The following MIER1 variants were observed in gnomAD, a reference collection of about 807,000 sequenced individuals.
MIER1 encodes MIER1 transcriptional regulator.
Under a neutral mutation model 75.7 loss-of-function variants are expected in MIER1, and 40 were observed. The ratio of observed to expected loss-of-function variants is 0.53; its 90% CI spans 0.41 to 0.69. The LOEUF is 0.69. Among genes scored for constraint, MIER1 ranks in the 30% least tolerant of loss-of-function variants. The pLI, the probability that MIER1 is intolerant of heterozygous loss-of-function variation, is 0.00. For missense variants in MIER1, 574 were observed against 680.2 expected, an observed-to-expected ratio of 0.84 and a Z score of 1.74; for synonymous variants, 213 against 223.4, an observed-to-expected ratio of 0.95 and a Z score of 0.42.
rs10465811 is a variant in MIER1 at position 66,947,728 on chromosome 1, T to G, written c.339+1433T>G. On this transcript the variant is annotated intron_variant, in intron 4 of 13. Transcript: ENST00000401041. Reference sequence around the variant, plus strand: ...ATCAACCTCCCAGCTTCCTGTTATATCCAAAGAAAACCCAAACTCCTCAAC... The same window carrying G: ...ATCAACCTCCCAGCTTCCTGTTATAGCCAAAGAAAACCCAAACTCCTCAAC... The G allele has an allele frequency of 2.7e-3, 411 of 154,448 alleles. 1 individual carries two copies. Among genetic ancestry groups the G allele is most frequent in the African/African-American group, 9.6e-3 (398 of 41,606 alleles). The allele number at this position is 154,448 out of a possible 1,614,324, so 9.6% of individuals were successfully genotyped here.
intron 4 of MIER1, among the ~76,000 whole-genome samples, chr1:66,953,208 G>C (rs1038665903): frequency 6.6e-6 from 1 of 152,228 alleles, no homozygotes; most frequent in Admixed American, 6.5e-5. Flanking sequence ...AACATTTCAT[G>C]TGAGAAGACA....
At chr1:66,934,777 C>A (rs1230177550) in intron 2 of MIER1, among the ~76,000 whole-genome samples, 1 of 151,964 alleles carries the variant, frequency 6.6e-6, no homozygotes, top group Admixed American at 6.6e-5. Context: ...CATTCTTAAC[C>A]TTTTTATACC....
intron 3 of MIER1, among the ~76,000 whole-genome samples, chr1:66,944,754 C>G (rs1489552417): frequency 6.6e-6 from 1 of 151,848 alleles, no homozygotes; most frequent in Non-Finnish European, 1.5e-5. Flanking sequence ...AAGTCAGGGC[C>G]TTGCTCTGTC....
intron 3 of MIER1, among the ~76,000 whole-genome samples, chr1:66,945,265 GTGTATATATATATATATATATATATA>G (rs1379517349): frequency 1.9e-4 from 3 of 15,572 alleles, no homozygotes; most frequent in African/African-American, 8.0e-4. Context: ...AATCTGGTGT[GTGTATATATATATATATATATATATA>G]TATATATATA....
intron 4 of MIER1, among the ~76,000 whole-genome samples, chr1:66,949,669 T>C (rs1658471859): frequency 6.6e-6 from 1 of 152,242 alleles, no homozygotes; most frequent in Non-Finnish European, 1.5e-5. Context: ...TATTAACTCT[T>C]TAGGTTTGAA....
rs144181809 is a variant in MIER1 at position 66,965,924 on chromosome 1, C to T, written c.772+2764C>T. Among the ~76,000 whole-genome samples, 21 of 152,238 alleles carry T rather than the reference C, an allele frequency of 1.4e-4. No homozygotes were observed. The East Asian group carries it at 3.5e-3, about 25-fold the overall frequency. On this transcript the variant is annotated intron_variant, in intron 8 of 13. Transcript: ENST00000401041. Reference sequence around the variant, plus strand: ...GAGAACATGGGATACTTGTCTTTTCCGTGCCTGACTTTTTGCTTAACATAA... The same window carrying T: ...GAGAACATGGGATACTTGTCTTTTCTGTGCCTGACTTTTTGCTTAACATAA...
rs76688904 is a variant in MIER1 at position 66,963,253 on chromosome 1, C to T, written c.772+93C>T. On this transcript the variant is annotated intron_variant, in intron 8 of 13. Coordinates refer to ENST00000401041, the MANE Select transcript of MIER1 (RefSeq NM_001077700.3). ...TAAAATGTGATAAGAACATGACAGCCTACTAAGTAACCCCATTGTAACCCC... is the reference window on the plus strand; with the variant it reads ...TAAAATGTGATAAGAACATGACAGCTTACTAAGTAACCCCATTGTAACCCC... 5.9e-4 allele frequency: 460 copies of T among 784,426 alleles called. No homozygotes were observed. In the African/African-American group the frequency reaches 7.2e-3, roughly 12 times the overall value. The allele number at this position is 784,426 out of a possible 1,614,324, so 48.6% of individuals were successfully genotyped here.
intron 8 of MIER1, among the ~76,000 whole-genome samples, chr1:66,968,788 TAC>T (rs1369947166): frequency 6.6e-6 from 1 of 152,242 alleles, no homozygotes; most frequent in Non-Finnish European, 1.5e-5. Context: ...TTATCATTTA[TAC>T]TAACCACAGT....
chr1:66,966,971 T>G (rs573623859), intron 8 of MIER1, among the ~76,000 whole-genome samples: 1 of 152,326 alleles, frequency 6.6e-6, no homozygotes, highest in East Asian at 1.9e-4. Context: ...GTTGTCTCTT[T>G]GTTGATTGTT....
At chr1:66,972,351 C>T (rs183602891) in intron 10 of MIER1, among the ~76,000 whole-genome samples, 3 of 150,934 alleles carry the variant, frequency 2.0e-5, no homozygotes, top group East Asian at 3.9e-4. Context: ...AGTCCCTTCC[C>T]CTCGTGGTGC....
chr1:66,964,448 CTTT>C (rs71058483), intron 8 of MIER1, among the ~76,000 whole-genome samples: 3 of 119,800 alleles, frequency 2.5e-5, no homozygotes, highest in African/African-American at 9.6e-5. Flanking sequence ...TGTATGTTTC[CTTT>C]TTTTTTTTTT....
chr1:66,935,349 A>G (rs1299040756), intron 2 of MIER1, among the ~76,000 whole-genome samples: 1 of 152,200 alleles, frequency 6.6e-6, no homozygotes, highest in African/African-American at 2.4e-5. Flanking sequence ...AAAAGTTGCT[A>G]GAGTTTGTTT....
intron 2 of MIER1, chr1:66,930,415 T>A: frequency 1.2e-6 from 2 of 1,604,684 alleles, no homozygotes; most frequent in Non-Finnish European, 1.7e-6. Context: ...GGGAGCGAGC[T>A]CCCCCTCCCT....
In MIER1 at chr1:66,988,370, A is replaced by G. The variant is rs1043896926; in HGVS notation, c.*3470A>G. On this transcript the variant is annotated 3_prime_UTR_variant, in exon 14 of 14. Coordinates refer to ENST00000401041, the MANE Select transcript of MIER1 (RefSeq NM_001077700.3). ...AAGTTCATCCTTTGCAGAATCTTAA[A>G]GGGTTTTCCACACATCCATCCACCC... The G allele has an allele frequency of 2.0e-5, 3 of 152,354 alleles. No individual in the cohort carries two copies. The South Asian group carries it at 6.2e-4, about 32-fold the overall frequency. The allele number at this position is 152,354 out of a possible 1,614,324, so 9.4% of individuals were successfully genotyped here. A position where few individuals can be genotyped will look rare whatever the true frequency, so the allele number is the denominator to read the frequency against.
At chr1:66,980,440 TG>T (rs1665654878) in intron 12 of MIER1, among the ~76,000 whole-genome samples, 2 of 152,234 alleles carry the variant, frequency 1.3e-5, no homozygotes, top group Non-Finnish European at 2.9e-5. Flanking sequence ...AGAAGTTTCT[TG>T]AAGTCAGGTA....
intron 8 of MIER1, among the ~76,000 whole-genome samples, chr1:66,969,182 T>C (rs904494034): frequency 6.6e-6 from 1 of 152,168 alleles, no homozygotes; most frequent in Non-Finnish European, 1.5e-5. Context: ...AAAGTATCTA[T>C]TTTGGGAAAC....
At chr1:66,936,096 GA>G (rs1400727309) in intron 2 of MIER1, among the ~76,000 whole-genome samples, 1 of 152,050 alleles carries the variant, frequency 6.6e-6, no homozygotes, top group Non-Finnish European at 1.5e-5. Context: ...TTTTTCTACT[GA>G]TAAGGTTATG....
chr1:66,944,203 G>C (rs749918078), intron 3 of MIER1, among the ~76,000 whole-genome samples: 1 of 152,010 alleles, frequency 6.6e-6, no homozygotes, highest in Non-Finnish European at 1.5e-5. Context: ...TTTTCAAGAA[G>C]TCAGCTCTAT....
chr1:66,948,349 T>C (rs2101544770), intron 4 of MIER1: 1 of 499,656 alleles, frequency 2.0e-6, no homozygotes. Flanking sequence ...CTTATACTTT[T>C]ATGGTAATAA....
Sources: allele counts gnomAD v4.1 joint callset (sites outside exome capture counted in the v4.1 genomes callset), GRCh38; gene constraint gnomAD v4.1.1; transcripts MANE v1.5; gene names NCBI Gene and HGNC (gene_info 2026-07-23, HGNC 2026-07-21).